Variants in BLMH observed in about 807,000 individuals in gnomAD.
BLMH encodes BLM hydrolase.
A neutral mutation model predicts 61.6 loss-of-function variants in BLMH; 32 were observed. That is an observed-to-expected ratio of 0.52 (90% CI 0.39 to 0.70). BLMH has a LOEUF of 0.70. Ranked by LOEUF, BLMH falls within the 30% of genes least tolerant of loss-of-function variation. The pLI is 0.00. For missense variants in BLMH, 460 were observed against 555.5 expected (o/e 0.83, Z 1.73); for synonymous variants, 183 against 193.8 (o/e 0.94, Z 0.46).
intron 11 of BLMH, among the ~76,000 whole-genome samples, chr17:30,264,842 C>T (rs1423097315): frequency 6.6e-6 from 1 of 152,164 alleles, no homozygotes; most frequent in Non-Finnish European, 1.5e-5. Context: ...TCAAATCTTT[C>T]AAATTTTAAG....
intron 6 of BLMH, among the ~76,000 whole-genome samples, chr17:30,279,137 G>A (rs533143119): frequency 3.3e-5 from 5 of 152,318 alleles, no homozygotes; most frequent in Non-Finnish European, 5.9e-5. Context: ...CTCCTCAAAC[G>A]AATAATGATG....
intron 2 of BLMH, 159 bp downstream of exon 2, chr17:30,291,152 T>C (rs1908874159): frequency 1.2e-6 from 1 of 856,640 alleles, no homozygotes. Context: ...ACAAACCACA[T>C]GGGTAATGTT....
chr17:30,262,189 C>T (rs1192033849), intron 11 of BLMH, among the ~76,000 whole-genome samples: 1 of 152,178 alleles, frequency 6.6e-6, no homozygotes, highest in East Asian at 1.9e-4. Flanking sequence ...TATTGAGAAA[C>T]TGGACCAAAT....
chr17:30,258,602 C>T (rs1472803664), intron 11 of BLMH, among the ~76,000 whole-genome samples: 1 of 152,092 alleles, frequency 6.6e-6, no homozygotes, highest in Admixed American at 6.5e-5. Flanking sequence ...AGAAGTGCCC[C>T]TCTACTAAGG....
chr17:30,252,462 C>T (rs889048946), intron 11 of BLMH, among the ~76,000 whole-genome samples: 18 of 144,558 alleles, frequency 1.2e-4, no homozygotes, highest in African/African-American at 3.8e-4. Context: ...TTTAGGAGGC[C>T]GAGGCAGGTG....
In BLMH at chr17:30,271,343, A is replaced by T; in HGVS notation, c.1074T>A (p.Asn358Lys). The change falls in exon 10 of 12, where the codon AAT (asparagine) becomes AAA (lysine). Residue 358 changes from asparagine to lysine, a missense_variant. Coordinates refer to ENST00000261714, the MANE Select transcript of BLMH (RefSeq NM_000386.4). ...CACCAAAAGTCAGCCTCTCCGCTTT[A>T]TTCATGTTCTTCAAGGAGACACCAA... ...LVFGVSLKNM[N>K]KAERLTFGES... The T allele has an allele frequency of 6.2e-7, 1 of 1,614,154 alleles. No homozygotes were observed. The highest frequency in any genetic ancestry group is 1.1e-5 in the South Asian group (1 of 91,086).
chr17:30,285,622 T>C (rs1405878664), intron 5 of BLMH, 142 bp from the exon 6 acceptor site: 1 of 539,146 alleles, frequency 1.9e-6, no homozygotes, highest in Non-Finnish European at 3.1e-6. Context: ...TGTGTTTTTC[T>C]TCAACTTGTC....
intron 6 of BLMH, 142 bp from the exon 7 acceptor site, chr17:30,274,339 G>C (rs2143022582): frequency 1.0e-6 from 1 of 957,388 alleles, no homozygotes; most frequent in Non-Finnish European, 1.5e-6. Context: ...ATCTAATACT[G>C]CGTCAAAAAC....
At chr17:30,289,346 A>C in intron 3 of BLMH, 27 bp downstream of exon 3, 1 of 1,474,426 alleles carries the variant, frequency 6.8e-7, no homozygotes, top group Non-Finnish European at 9.3e-7. Flanking sequence ...TCAATACAAA[A>C]AGAATCTTGC....
At chr17:30,250,718 A>G (rs1186850516) in intron 11 of BLMH, among the ~76,000 whole-genome samples, 1 of 152,242 alleles carries the variant, frequency 6.6e-6, no homozygotes, top group African/African-American at 2.4e-5. Context: ...TCGATCCAGC[A>G]ATCCCTCTAC....
chr17:30,285,606 G>A (rs1908705344), intron 5 of BLMH, 126 bp from the exon 6 acceptor site: 6 of 591,068 alleles, frequency 1.0e-5, no homozygotes, highest in Non-Finnish European at 1.6e-5. Flanking sequence ...AGTTCATAAA[G>A]GCAAATGTGT....
intron 11 of BLMH, among the ~76,000 whole-genome samples, chr17:30,261,686 T>C (rs1381966657): frequency 2.0e-5 from 3 of 152,230 alleles, no homozygotes; most frequent in African/African-American, 7.2e-5. Flanking sequence ...TTCTACAACA[T>C]AGCATTTTAT....
chr17:30,267,049 AACAGCCTGCTCTATACAG>A, intron 10 of BLMH, 95 bp from the exon 11 acceptor site: 1 of 1,152,108 alleles, frequency 8.7e-7, no homozygotes, highest in African/African-American at 1.5e-5. Context: ...ACTTGAAAGA[AACAGCCTGCTCTATACAG>A]GCAGCCTGCT....
intron 11 of BLMH, among the ~76,000 whole-genome samples, chr17:30,251,219 C>T (rs1359811790): frequency 2.6e-5 from 4 of 152,050 alleles, no homozygotes; most frequent in African/African-American, 9.7e-5. Flanking sequence ...CACCTGTTCC[C>T]CAAAAACTAC....
At chr17:30,254,602 A>C (rs1907763733) in intron 11 of BLMH, among the ~76,000 whole-genome samples, 1 of 152,210 alleles carries the variant, frequency 6.6e-6, no homozygotes. Flanking sequence ...ATGAAAAAAA[A>C]CCATGAAAAA....
chr17:30,291,445 A>G lies in BLMH; in HGVS notation c.77T>C (p.Leu26Pro). 6.2e-7 allele frequency: 1 copy of G among 1,614,242 alleles called. No homozygotes were observed. Among genetic ancestry groups the G allele is most frequent in the Non-Finnish European group, 8.5e-7 (1 of 1,180,044 alleles). The change falls in exon 2 of 12, where the codon CTT becomes CCT. Residue 26 changes from leucine (L) to proline (P), a missense_variant. This residue lies in a region of BLMH where 86 missense variants were observed against 84.5 expected (regional missense o/e 1.02). Coordinates refer to ENST00000261714, the MANE Select transcript of BLMH (RefSeq NM_000386.4). Reference protein sequence around the residue: ...QKLNSDPQFVLAQNVGTTHDL... With the variant: ...QKLNSDPQFVPAQNVGTTHDL... ...GTGGGTGGTCCCGACATTCTGGGCA[A>G]GTACGAACTGGGGGTCGGAATTCAG...
intron 7 of BLMH, 128 bp downstream of exon 7, chr17:30,273,914 G>A (rs1645651766): frequency 1.7e-6 from 2 of 1,168,446 alleles, no homozygotes; most frequent in South Asian, 2.8e-5. Context: ...CAGAGGAAGT[G>A]GGGAAAAATG....
intron 10 of BLMH, among the ~76,000 whole-genome samples, chr17:30,268,110 T>C (rs762442883): frequency 7.9e-5 from 12 of 152,256 alleles, no homozygotes; most frequent in Non-Finnish European, 1.6e-4. Flanking sequence ...TGGCATATTA[T>C]ATGTCTGTTT....
In BLMH at chr17:30,249,034, C is replaced by G; in HGVS notation, c.1351G>C (p.Gly451Arg). Residue 451 changes from glycine to arginine, a missense_variant, in exon 12 of 12, where the codon GGA (glycine) becomes CGA (arginine). Physicochemically the swap from Gly to Arg is moderately radical, Grantham distance 125. This residue lies in a region of BLMH where 310 missense variants were observed against 371.1 expected (regional missense o/e 0.84). Transcript: ENST00000261714. ...GGGCAGTATCACTCAGCCAAAGCTC[C>G]CATGGGGTCCCATGCTGGCAGGATA... ...PIILPAWDPM[G>R]ALAE 1 of 1,614,024 alleles carries G rather than the reference C, an allele frequency of 6.2e-7. No homozygotes were observed. The highest frequency in any genetic ancestry group is 1.7e-5 in the Admixed American group (1 of 60,014).
Sources: gnomAD v4.1 joint callset for allele counts (sites outside exome capture counted in the v4.1 genomes callset) on GRCh38, gnomAD v4.1.1 for gene constraint, gnomAD v4.1.1 regional missense constraint, MANE v1.5 for transcripts, NCBI Gene and HGNC (gene_info 2026-07-23, HGNC 2026-07-21) for gene names.